Variants in GASK1A observed in about 807,000 individuals in gnomAD.
The protein encoded by GASK1A is golgi associated kinase 1A.
GASK1A carries 40 observed loss-of-function variants against 41.2 expected under a neutral mutation model. That is an observed-to-expected ratio of 0.97 (90% confidence interval 0.75 to 1.27). The LOEUF (loss-of-function observed/expected upper bound fraction) is 1.27. GASK1A is among the 50% of genes most tolerant of loss of function. The pLI is 0.00. For missense variants in GASK1A, 678 were observed against 745.1 expected, an observed-to-expected ratio of 0.91 and a Z score of 1.05; for synonymous variants, 316 against 307.1, an observed-to-expected ratio of 1.03 and a Z score of -0.30.
chr3:43,046,699 C>G (rs2089664325), intron 2 of GASK1A, among the ~76,000 whole-genome samples: 2 of 152,158 alleles, frequency 1.3e-5, no homozygotes, highest in African/African-American at 4.8e-5. Flanking sequence ...CAGGGCATGT[C>G]AGAGGTCTTC....
intron 2 of GASK1A, among the ~76,000 whole-genome samples, chr3:43,051,762 A>C (rs942594544): frequency 5.3e-5 from 8 of 152,190 alleles, no homozygotes; most frequent in Admixed American, 1.3e-4. Context: ...CAACCAAAAA[A>C]CCATGCCTTT....
At chr3:43,024,173 C>T (rs151334936) in intron 1 of GASK1A, among the ~76,000 whole-genome samples, 1,631 of 152,260 alleles carry the variant, frequency 0.011, 30 homozygotes, top group African/African-American at 0.037. Context: ...TGTGAGCATA[C>T]CTTTCGTGTG....
chr3:43,005,272 G>C (rs1022546653), intron 1 of GASK1A, among the ~76,000 whole-genome samples: 1 of 152,172 alleles, frequency 6.6e-6, no homozygotes, highest in African/African-American at 2.4e-5. Flanking sequence ...CTTAACGGCT[G>C]AGCAGTATCC....
In GASK1A at chr3:43,032,575, C is replaced by G. The variant is rs2089582369; in HGVS notation, c.312C>G (p.Ser104Arg). Residue 104 changes from serine to arginine, a missense_variant, in exon 2 of 5, where the codon AGC becomes AGG. By Grantham distance (110) the Ser-to-Arg change is moderately radical. Transcript: ENST00000430121. ...GCCATAGAGCAAGAGTGGACAGAAGCAGGGAGTCCCCAGGAGGGGACCTCA... is the reference window on the plus strand; with the variant it reads ...GCCATAGAGCAAGAGTGGACAGAAGGAGGGAGTCCCCAGGAGGGGACCTCA... ...EQGHRARVDRSRESPGGDLRH... is the reference protein window; with the variant it reads ...EQGHRARVDRRRESPGGDLRH... 6 of 1,551,182 alleles carry G rather than the reference C, an allele frequency of 3.9e-6. No homozygotes were observed. In the Admixed American group the frequency reaches 5.9e-5, roughly 15 times the overall value.
chr3:43,015,236 C>A (rs2125680976), intron 1 of GASK1A, among the ~76,000 whole-genome samples: 1 of 148,358 alleles, frequency 6.7e-6, no homozygotes, highest in South Asian at 2.1e-4. Flanking sequence ...AGTGGGAAGT[C>A]ACAGGAAGGA....
At chr3:43,048,385 G>C (rs535016554) in intron 2 of GASK1A, among the ~76,000 whole-genome samples, 1 of 152,174 alleles carries the variant, frequency 6.6e-6, no homozygotes, top group Non-Finnish European at 1.5e-5. Context: ...GAGACCATGA[G>C]GGGTTTCTAT....
intron 2 of GASK1A, among the ~76,000 whole-genome samples, chr3:43,036,931 C>T (rs947464165): frequency 6.6e-6 from 1 of 152,176 alleles, no homozygotes; most frequent in African/African-American, 2.4e-5. Context: ...CTGTAATAGG[C>T]TCCTGACCCA....
At chr3:43,038,601 T>TAA (rs34163186) in intron 2 of GASK1A, among the ~76,000 whole-genome samples, 3,291 of 148,084 alleles carry the variant, frequency 0.022, 117 homozygotes, top group African/African-American at 0.072. Context: ...CTTTGATCTT[T>TAA]AAAAAAAAAA....
At chr3:43,021,045 G>A (rs997399541) in intron 1 of GASK1A, among the ~76,000 whole-genome samples, 2 of 152,110 alleles carry the variant, frequency 1.3e-5, no homozygotes, top group Non-Finnish European at 2.9e-5. Context: ...TGCACTTCCC[G>A]GTTGAGAGCT....
intron 1 of GASK1A, among the ~76,000 whole-genome samples, chr3:42,992,810 G>A (rs988839782): frequency 7.2e-5 from 11 of 152,224 alleles, no homozygotes; most frequent in Admixed American, 3.9e-4. Context: ...AAATCGGGCA[G>A]CTGCCAGAAT....
At chr3:43,037,276 C>A in intron 2 of GASK1A, 1 of 916,760 alleles carries the variant, frequency 1.1e-6, no homozygotes, top group Non-Finnish European at 1.8e-6. Flanking sequence ...GAGAAGCCAA[C>A]TCCCCAGATG....
Position 43,032,363 on chromosome 3 carries a change from C to G in GASK1A, c.100C>G (p.Pro34Ala), listed in dbSNP as rs1358139103. The change falls in exon 2 of 5, where the codon CCC becomes GCC. Residue 34 changes from proline to alanine, a missense_variant. By Grantham distance (27) the Pro-to-Ala change is conservative. Coordinates refer to ENST00000430121, the MANE Select transcript of GASK1A (RefSeq NM_001129908.3). The part of the protein sequence containing the change: ...ILSAMAVTRF[P>A]PQRPSAGPDP... ...ATCTGCGATGGCTGTCACCCGCTTT[C>G]CCCCACAGCGTCCATCCGCCGGCCC... is the stretch of plus-strand genomic sequence containing the variant. 48 of 1,551,450 alleles carry G rather than the reference C, an allele frequency of 3.1e-5. No individual in the cohort carries two copies. The East Asian group carries it at 1.1e-3, about 37-fold the overall frequency.
At chr3:43,037,280 C>A in intron 2 of GASK1A, 1 of 906,326 alleles carries the variant, frequency 1.1e-6, no homozygotes, top group Non-Finnish European at 1.9e-6. Context: ...AGCCAACTCC[C>A]CAGATGAACG....
chr3:43,000,939 A>G (rs995355802), intron 1 of GASK1A, among the ~76,000 whole-genome samples: 1 of 152,224 alleles, frequency 6.6e-6, no homozygotes, highest in African/African-American at 2.4e-5. Flanking sequence ...TCATGAAGAC[A>G]AGAAAAATTT....
chr3:43,000,007 C>A (rs2125676582), intron 1 of GASK1A, among the ~76,000 whole-genome samples: 1 of 152,310 alleles, frequency 6.6e-6, no homozygotes, highest in South Asian at 2.1e-4. Flanking sequence ...CATTTAGAAT[C>A]CACCCAGCTA....
intron 1 of GASK1A, among the ~76,000 whole-genome samples, chr3:43,011,055 T>C (rs577820997): frequency 1.3e-5 from 2 of 152,314 alleles, no homozygotes; most frequent in East Asian, 3.9e-4. Flanking sequence ...AAAATAGTTT[T>C]CTTCAAATGT....
intron 1 of GASK1A, among the ~76,000 whole-genome samples, chr3:42,990,574 C>T (rs1417418602): frequency 6.6e-6 from 1 of 152,152 alleles, no homozygotes; most frequent in Non-Finnish European, 1.5e-5. Flanking sequence ...AGAATGAGCA[C>T]GCTCTATACC....
chr3:43,050,302 T>A (rs1434414119), intron 2 of GASK1A, among the ~76,000 whole-genome samples: 1 of 152,190 alleles, frequency 6.6e-6, no homozygotes, highest in African/African-American at 2.4e-5. Context: ...AATTCTTGGT[T>A]GACAGGCTCT....
At chr3:43,055,896 T>C in intron 4 of GASK1A, 2 of 484,192 alleles carry the variant, frequency 4.1e-6, no homozygotes, top group Admixed American at 6.9e-5. Context: ...TGGCCCTGCA[T>C]TTGCCAAGTG....
Sources: gnomAD v4.1 joint callset for allele counts (sites outside exome capture counted in the v4.1 genomes callset) on GRCh38, gnomAD v4.1.1 for gene constraint, MANE v1.5 for transcripts, NCBI Gene and HGNC (gene_info 2026-07-23, HGNC 2026-07-21) for gene names.